EGFLAM: variants seen among roughly 807,000 people sequenced by gnomAD.
The protein encoded by EGFLAM is pikachurin.
EGFLAM carries 79 observed loss-of-function variants against 113.1 expected under a neutral mutation model. That is an observed-to-expected ratio of 0.70 (90% CI 0.58 to 0.84). EGFLAM has a LOEUF of 0.84. Among genes scored for constraint, EGFLAM ranks in the 40% least tolerant of loss-of-function variants. The pLI, the probability that EGFLAM is intolerant of heterozygous loss-of-function variation, is 0.00. For synonymous variants in EGFLAM, 504 were observed against 487.6 expected (o/e 1.03, Z -0.44); for missense variants, 1,265 against 1,291.6 (o/e 0.98, Z 0.32).
At chr5:38,318,729 C>T (rs180993782) in intron 1 of EGFLAM, among the ~76,000 whole-genome samples, 128 of 152,194 alleles carry the variant, frequency 8.4e-4, no homozygotes, top group African/African-American at 2.9e-3. Flanking sequence ...GGCTCGAACT[C>T]CTGACCTCAG....
At chr5:38,440,986 G>A (rs1456237850) in intron 17 of EGFLAM, among the ~76,000 whole-genome samples, 3 of 152,158 alleles carry the variant, frequency 2.0e-5, no homozygotes, top group African/African-American at 7.2e-5. Context: ...AGGAGAGCAG[G>A]GGCCAGAAAC....
intron 1 of EGFLAM, among the ~76,000 whole-genome samples, chr5:38,320,561 G>C (rs1738711767): frequency 6.6e-6 from 1 of 152,154 alleles, no homozygotes. Flanking sequence ...CTTGAGGTGG[G>C]AGGATGTGTG....
At chr5:38,350,893 T>C (rs115367713) in intron 4 of EGFLAM, among the ~76,000 whole-genome samples, 156 of 152,130 alleles carry the variant, frequency 1.0e-3, no homozygotes, top group Non-Finnish European at 1.7e-3. Flanking sequence ...CCTGAAGAGA[T>C]GACAACTAGT....
At chr5:38,425,660 G>A (rs1439974850) in intron 13 of EGFLAM, among the ~76,000 whole-genome samples, 2 of 152,126 alleles carry the variant, frequency 1.3e-5, no homozygotes, top group African/African-American at 2.4e-5. Flanking sequence ...GGGCACCTCC[G>A]TCCCTCAGCC....
chr5:38,284,471 CTT>C (rs1251571090), intron 1 of EGFLAM, among the ~76,000 whole-genome samples: 1 of 152,154 alleles, frequency 6.6e-6, no homozygotes, highest in African/African-American at 2.4e-5. Flanking sequence ...TTCAATAAAA[CTT>C]TATTTATGGA....
At chr5:38,385,517 T>C (rs942854137) in intron 6 of EGFLAM, among the ~76,000 whole-genome samples, 1 of 152,160 alleles carries the variant, frequency 6.6e-6, no homozygotes, top group Admixed American at 6.5e-5. Context: ...ATGTTTAGTA[T>C]AGACATAACC....
intron 1 of EGFLAM, among the ~76,000 whole-genome samples, chr5:38,269,255 C>A (rs946176717): frequency 6.6e-6 from 1 of 152,060 alleles, no homozygotes; most frequent in African/African-American, 2.4e-5. Flanking sequence ...GTTTCTAAGG[C>A]ATATCAACTA....
At chr5:38,349,240 G>A (rs925438977) in intron 3 of EGFLAM, among the ~76,000 whole-genome samples, 1 of 152,164 alleles carries the variant, frequency 6.6e-6, no homozygotes, top group African/African-American at 2.4e-5. Context: ...CAATGTAAAT[G>A]TGTTAAAGTA....
At chr5:38,399,741 GA>G (rs948883030) in intron 6 of EGFLAM, 1 of 152,184 alleles carries the variant, frequency 6.6e-6, no homozygotes, top group African/African-American at 2.4e-5. Context: ...GGAACTTCAA[GA>G]GTAGGGAATA....
chr5:38,418,942 T>C (rs1741743080), intron 12 of EGFLAM, among the ~76,000 whole-genome samples: 1 of 152,204 alleles, frequency 6.6e-6, no homozygotes, highest in South Asian at 2.1e-4. Context: ...AACAAAATAC[T>C]GCAGACTGGG....
intron 5 of EGFLAM, among the ~76,000 whole-genome samples, chr5:38,368,646 G>A (rs1561051482): frequency 6.6e-6 from 1 of 152,180 alleles, no homozygotes; most frequent in African/African-American, 2.4e-5. Flanking sequence ...GAGCAGAGGT[G>A]TTTAACAACA....
intron 6 of EGFLAM, among the ~76,000 whole-genome samples, chr5:38,396,541 C>T (rs910288222): frequency 2.6e-5 from 4 of 152,278 alleles, no homozygotes; most frequent in Admixed American, 1.3e-4. Context: ...CTCACTCACT[C>T]ATCTAACAAA....
In EGFLAM at chr5:38,462,932, C is replaced by T. The variant is rs752242039; in HGVS notation, c.2796C>T (p.Thr932=). The T allele has an allele frequency of 2.7e-5, 43 of 1,613,958 alleles. No homozygotes were observed. The highest frequency in any genetic ancestry group is 6.7e-5 in the African/African-American group (5 of 74,874). Residue 932 remains threonine (T), a synonymous_variant, in exon 21 of 22, where the codon ACC becomes ACT. Transcript: ENST00000322350. Reference sequence around the variant, plus strand: ...GGGATGGCCAGTCAGGAAAGATAACCGTGGATGACTATGGAGCCAGAACAG... The same window carrying T: ...GGGATGGCCAGTCAGGAAAGATAACTGTGGATGACTATGGAGCCAGAACAG... ...AVRDGQSGKI[T]VDDYGARTGK...
chr5:38,308,805 G>A (rs956906613), intron 1 of EGFLAM, among the ~76,000 whole-genome samples: 6 of 152,156 alleles, frequency 3.9e-5, no homozygotes, highest in South Asian at 4.1e-4. Flanking sequence ...GAAAGAATCC[G>A]GAATGAAGAA....
chr5:38,453,234 G>A (rs1328774296), intron 19 of EGFLAM, among the ~76,000 whole-genome samples: 2 of 152,104 alleles, frequency 1.3e-5, no homozygotes, highest in Non-Finnish European at 2.9e-5. Flanking sequence ...CTCATTTCTT[G>A]GACTTCTACT....
chr5:38,336,815 AAC>A (rs1027130880), intron 1 of EGFLAM, among the ~76,000 whole-genome samples: 3 of 151,172 alleles, frequency 2.0e-5, no homozygotes, highest in African/African-American at 7.3e-5. Flanking sequence ...ACTGTATAGA[AAC>A]ACACACACGT....
At chr5:38,265,527 A>T (rs903824114) in intron 1 of EGFLAM, among the ~76,000 whole-genome samples, 3 of 152,202 alleles carry the variant, frequency 2.0e-5, no homozygotes, top group African/African-American at 7.2e-5. Context: ...CAGTTATCGA[A>T]AAAGGGAAAA....
At chr5:38,460,838 A>T (rs1743247445) in intron 20 of EGFLAM, 1 of 152,220 alleles carries the variant, frequency 6.6e-6, no homozygotes, top group African/African-American at 2.4e-5. Flanking sequence ...AGTGTCAATG[A>T]AAAGGAGATT....
rs73750674 is a variant in EGFLAM at position 38,304,390 on chromosome 5, G to C, written c.98-33130G>C. Reference sequence around the variant, plus strand: ...CCCAAAAGACTAGTTAAAAGCAAAAGGTCTGTGAACAGGGGGCATCCATCA... The same window carrying C: ...CCCAAAAGACTAGTTAAAAGCAAAACGTCTGTGAACAGGGGGCATCCATCA... On this transcript the variant is annotated intron_variant, in intron 1 of 21. Transcript: ENST00000322350. 5.8e-3 allele frequency among the ~76,000 whole-genome samples: 890 copies of C among 152,240 alleles called. 9 individuals carry two copies. Among genetic ancestry groups the C allele is most frequent in the African/African-American group, 0.021 (864 of 41,518 alleles).
Sources: allele counts gnomAD v4.1 joint callset (sites outside exome capture counted in the v4.1 genomes callset), GRCh38; gene constraint gnomAD v4.1.1; transcripts MANE v1.5; gene names NCBI Gene and HGNC (gene_info 2026-07-23, HGNC 2026-07-21).